Variants in GMDS observed in about 807,000 individuals in gnomAD.
The protein encoded by GMDS is GDP-mannose 4,6-dehydratase.
Under a neutral mutation model 49.9 loss-of-function variants are expected in GMDS, and 20 were observed. The ratio of observed to expected loss-of-function variants is 0.40; its 90% CI spans 0.28 to 0.58. The LOEUF (loss-of-function observed/expected upper bound fraction) is 0.58. Ranked by LOEUF, GMDS falls within the 20% of genes least tolerant of loss-of-function variation. The pLI is 0.42. For synonymous variants in GMDS, 177 were observed against 178.6 expected (o/e 0.99, Z 0.07); for missense variants, 362 against 481.4 (o/e 0.75, Z 2.32).
chr6:1,801,136 T>C (rs1239456727), intron 7 of GMDS, among the ~76,000 whole-genome samples: 3 of 152,190 alleles, frequency 2.0e-5, no homozygotes, highest in Admixed American at 2.0e-4. Flanking sequence ...TGCCCAGAGC[T>C]GTAAAATGTG....
At chr6:1,997,498 ACT>A (rs1198358369) in intron 4 of GMDS, among the ~76,000 whole-genome samples, 1 of 122,846 alleles carries the variant, frequency 8.1e-6, no homozygotes, top group Non-Finnish European at 1.6e-5. Flanking sequence ...ACAGAGTGAG[ACT>A]CTGTCTCAAA....
intron 1 of GMDS, among the ~76,000 whole-genome samples, chr6:2,148,914 A>G (rs1776709546): frequency 6.6e-6 from 1 of 152,214 alleles, no homozygotes; most frequent in Non-Finnish European, 1.5e-5. Flanking sequence ...TCTGGACTGC[A>G]CTGTAACACA....
chr6:2,044,510 G>T (rs894158491), intron 4 of GMDS, among the ~76,000 whole-genome samples: 3 of 152,152 alleles, frequency 2.0e-5, no homozygotes, highest in East Asian at 1.9e-4. Context: ...CAAGCTAAAT[G>T]ATGAGAACAC....
intron 1 of GMDS, among the ~76,000 whole-genome samples, chr6:2,126,202 G>T (rs1344714090): frequency 1.3e-5 from 2 of 152,118 alleles, no homozygotes; most frequent in Non-Finnish European, 2.9e-5. Context: ...AAATAAATTG[G>T]TTAGACATTT....
At chr6:1,921,741 T>A (rs10900914) in intron 7 of GMDS, among the ~76,000 whole-genome samples, 29,313 of 152,150 alleles carry the variant, frequency 0.19, 3,046 homozygotes, top group African/African-American at 0.27. Context: ...TTCTTAAATG[T>A]TTGGTTTGTT....
chr6:1,749,032 A>C (rs941220795), intron 7 of GMDS, among the ~76,000 whole-genome samples: 1 of 152,166 alleles, frequency 6.6e-6, no homozygotes, highest in African/African-American at 2.4e-5. Flanking sequence ...AGGAGGGGGA[A>C]CAGGAAAGTA....
intron 7 of GMDS, among the ~76,000 whole-genome samples, chr6:1,775,601 GC>G (rs1233984436): frequency 2.0e-5 from 3 of 152,206 alleles, no homozygotes; most frequent in Admixed American, 6.5e-5. Flanking sequence ...TTACTTTGAA[GC>G]CTGTGTATAT....
At chr6:2,160,423 A>G (rs1777337536) in intron 1 of GMDS, among the ~76,000 whole-genome samples, 1 of 152,264 alleles carries the variant, frequency 6.6e-6, no homozygotes, top group Admixed American at 6.5e-5. Flanking sequence ...TCAGCTAGAA[A>G]GAACTAGGAA....
chr6:1,799,677 A>C (rs2113654675), intron 7 of GMDS, among the ~76,000 whole-genome samples: 1 of 152,266 alleles, frequency 6.6e-6, no homozygotes, highest in South Asian at 2.1e-4. Context: ...GGGAGAATTA[A>C]AACTGGAGGG....
At chr6:2,095,897 G>A (rs1051679925) in intron 4 of GMDS, among the ~76,000 whole-genome samples, 13 of 152,152 alleles carry the variant, frequency 8.5e-5, no homozygotes, top group African/African-American at 3.1e-4. Context: ...CCTCAAAAAA[G>A]GGGGAGAGAG....
chr6:1,788,650 C>T (rs538141284), intron 7 of GMDS, among the ~76,000 whole-genome samples: 68 of 152,312 alleles, frequency 4.5e-4, no homozygotes, highest in Non-Finnish European at 5.1e-4. Context: ...TTAGGGCTAA[C>T]CTTCAATCTA....
intron 7 of GMDS, among the ~76,000 whole-genome samples, chr6:1,906,043 C>G (rs998214733): frequency 6.6e-6 from 1 of 151,710 alleles, no homozygotes; most frequent in Non-Finnish European, 1.5e-5. Flanking sequence ...TTCCAAAAAA[C>G]GATACAATGA....
chr6:1,999,294 C>T (rs546445912), intron 4 of GMDS, among the ~76,000 whole-genome samples: 1 of 139,996 alleles, frequency 7.1e-6, no homozygotes, highest in Non-Finnish European at 1.5e-5. Flanking sequence ...TGTACTACAG[C>T]CTGGTGACAG....
At chr6:1,652,309 T>C (rs1763676915) in intron 9 of GMDS, among the ~76,000 whole-genome samples, 2 of 127,160 alleles carry the variant, frequency 1.6e-5, no homozygotes, top group African/African-American at 6.2e-5. Context: ...GAGGCAGAGG[T>C]TGCAGTGAGC....
At chr6:1,797,221 T>C (rs577170819) in intron 7 of GMDS, among the ~76,000 whole-genome samples, 57 of 152,276 alleles carry the variant, frequency 3.7e-4, no homozygotes, top group African/African-American at 1.1e-3. Context: ...CTTATGAAAC[T>C]CTAATGCTTG....
chr6:1,696,061 G>A (rs191558252), intron 9 of GMDS, among the ~76,000 whole-genome samples: 16 of 152,086 alleles, frequency 1.1e-4, no homozygotes, highest in Admixed American at 9.2e-4. Context: ...TAGAGAAAGT[G>A]GAAAAAGAAC....
At chr6:1,807,582 T>C (rs1770233904) in intron 7 of GMDS, among the ~76,000 whole-genome samples, 1 of 152,204 alleles carries the variant, frequency 6.6e-6, no homozygotes, top group Non-Finnish European at 1.5e-5. Context: ...TTCATTAGGA[T>C]AGTTTTTATA....
chr6:1,873,853 C>G (rs902581107), intron 7 of GMDS, among the ~76,000 whole-genome samples: 1 of 152,178 alleles, frequency 6.6e-6, no homozygotes, highest in African/African-American at 2.4e-5. Context: ...AAGACAAGTG[C>G]CAACCTCTAC....
intron 1 of GMDS, among the ~76,000 whole-genome samples, chr6:2,186,638 T>C (rs1195794213): frequency 1.3e-5 from 2 of 152,192 alleles, no homozygotes; most frequent in Non-Finnish European, 1.5e-5. Flanking sequence ...CTGAAGACCA[T>C]TGTTTAGGTA....
Sources: gnomAD v4.1 joint callset for allele counts (sites outside exome capture counted in the v4.1 genomes callset) on GRCh38, gnomAD v4.1.1 for gene constraint, MANE v1.5 for transcripts, NCBI Gene and HGNC (gene_info 2026-07-23, HGNC 2026-07-21) for gene names.